Variants in CDH18 observed in about 807,000 individuals in gnomAD.
CDH18 encodes the protein cadherin-18.
CDH18 carries 31 observed loss-of-function variants against 67.9 expected under a neutral mutation model. That is an observed-to-expected ratio of 0.46 (90% confidence interval 0.34 to 0.62). The LOEUF (loss-of-function observed/expected upper bound fraction) is 0.62. Ranked by LOEUF, CDH18 falls within the 20% of genes least tolerant of loss-of-function variation. The probability of loss-of-function intolerance (pLI) is 0.01; values close to 1 mark genes in which losing one functional copy is unlikely to be tolerated. For missense variants in CDH18, 890 were observed against 975.5 expected (o/e 0.91, Z 1.17); for synonymous variants, 362 against 347.2 (o/e 1.04, Z -0.48).
At chr5:19,628,655 C>T (rs62351282) in intron 5 of CDH18, among the ~76,000 whole-genome samples, 3 of 151,820 alleles carry the variant, frequency 2.0e-5, no homozygotes, top group African/African-American at 7.3e-5. Context: ...GGTTGGAAAT[C>T]AGGAGTTCAA....
At chr5:20,350,509 G>C (rs1461650999) in intron 1 of CDH18, among the ~76,000 whole-genome samples, 1 of 151,966 alleles carries the variant, frequency 6.6e-6, no homozygotes, top group African/African-American at 2.4e-5. Context: ...ACTTCATAAA[G>C]GTAATTACTT....
chr5:20,156,233 A>G (rs555717715), intron 2 of CDH18, among the ~76,000 whole-genome samples: 10 of 152,266 alleles, frequency 6.6e-5, no homozygotes, highest in Non-Finnish European at 8.8e-5. Flanking sequence ...TGTACTGGGT[A>G]TATATAAAAA....
chr5:20,226,075 T>C lies in CDH18; in HGVS notation c.-518+29369A>G, dbSNP rs115709032. On this transcript the variant is annotated intron_variant, in intron 2 of 14. Coordinates refer to the CDH18 transcript ENST00000507958. ...TATTCTAACGCATATGTTAGACACC[T>C]GGTATCAACAAGAATTTGAGTCGGA... Among the ~76,000 whole-genome samples, 157 of 152,192 alleles carry C rather than the reference T, an allele frequency of 1.0e-3. 1 individual carries two copies. Among genetic ancestry groups the C allele is most frequent in the African/African-American group, 3.6e-3 (151 of 41,558 alleles).
intron 10 of CDH18, among the ~76,000 whole-genome samples, chr5:19,513,563 T>C (rs895561598): frequency 5.9e-5 from 9 of 152,140 alleles, no homozygotes; most frequent in Non-Finnish European, 1.3e-4. Context: ...TTCCATGTCA[T>C]TAAATTCATC....
chr5:20,260,458 G>C (rs1213541468), intron 1 of CDH18, among the ~76,000 whole-genome samples: 1 of 151,970 alleles, frequency 6.6e-6, no homozygotes, highest in East Asian at 2.0e-4. Context: ...AAGTTATACT[G>C]ACTTGATGAT....
intron 4 of CDH18, among the ~76,000 whole-genome samples, chr5:19,730,031 T>C (rs911061725): frequency 6.6e-6 from 1 of 152,116 alleles, no homozygotes; most frequent in Non-Finnish European, 1.5e-5. Context: ...TCCCACCTTC[T>C]TTCTGCTTTG....
At chr5:19,572,576 G>A (rs1020511991) in intron 7 of CDH18, among the ~76,000 whole-genome samples, 6 of 152,158 alleles carry the variant, frequency 3.9e-5, no homozygotes, top group African/African-American at 1.4e-4. Flanking sequence ...TCCTTTCAGA[G>A]CTGGTGTCTG....
At chr5:19,490,981 C>T (rs1234351234) in intron 11 of CDH18, among the ~76,000 whole-genome samples, 6 of 152,054 alleles carry the variant, frequency 3.9e-5, no homozygotes, top group Admixed American at 3.9e-4. Context: ...AGCAATAGAG[C>T]CACTAAAATG....
intron 2 of CDH18, among the ~76,000 whole-genome samples, chr5:20,007,672 A>AGTGTGTGTGTGTGT (rs145213048): frequency 1.1e-4 from 15 of 140,240 alleles, no homozygotes; most frequent in South Asian, 4.9e-4. Flanking sequence ...GTGTGTGGAA[A>AGTGTGTGTGTGTGT]GTGTGTGTGT....
chr5:19,573,557 C>A (rs769046813), intron 7 of CDH18, among the ~76,000 whole-genome samples: 1 of 152,070 alleles, frequency 6.6e-6, no homozygotes, highest in African/African-American at 2.4e-5. Context: ...GGATTGCAGG[C>A]GTAAGCCACC....
At chr5:19,906,199 G>A (rs1790513671) in intron 2 of CDH18, among the ~76,000 whole-genome samples, 2 of 151,962 alleles carry the variant, frequency 1.3e-5, no homozygotes, top group East Asian at 3.9e-4. Flanking sequence ...TGATAGCAGG[G>A]ATTTCATAGG....
Position 19,875,395 on chromosome 5 carries a change from T to TATAGATAGATAG in CDH18, c.-256-36165_-256-36154dup, listed in dbSNP as rs56837232. ...AATATTCTTCTATTTCTTCCATGGG[T>TATAGATAGATAG]ATAGATAGATAGATAGATAGATAGA... On this transcript the variant is annotated intron_variant, in intron 2 of 12. Coordinates refer to ENST00000382275, the MANE Select transcript of CDH18 (RefSeq NM_004934.5). 5.2e-3 allele frequency among the ~76,000 whole-genome samples: 769 copies of TATAGATAGATAG among 147,724 alleles called. 3 individuals are homozygous for TATAGATAGATAG. The highest frequency in any genetic ancestry group is 7.4e-3 in the Middle Eastern group (2 of 272).
intron 2 of CDH18, among the ~76,000 whole-genome samples, chr5:20,094,989 G>C (rs867781348): frequency 1.3e-5 from 2 of 152,028 alleles, no homozygotes; most frequent in Non-Finnish European, 2.9e-5. Context: ...AAAAGAATGA[G>C]TTCATATCCT....
At chr5:20,361,856 A>G (rs1342538149) in intron 1 of CDH18, among the ~76,000 whole-genome samples, 1 of 152,158 alleles carries the variant, frequency 6.6e-6, no homozygotes, top group Non-Finnish European at 1.5e-5. Flanking sequence ...AAAATTTTAA[A>G]TATGTTTCAT....
At chr5:20,183,081 C>T (rs1737823835) in intron 2 of CDH18, among the ~76,000 whole-genome samples, 1 of 152,034 alleles carries the variant, frequency 6.6e-6, no homozygotes, top group Non-Finnish European at 1.5e-5. Flanking sequence ...GCATCTACTT[C>T]ATTATAATGG....
chr5:19,948,010 A>C (rs1265618715), intron 2 of CDH18, among the ~76,000 whole-genome samples: 7 of 152,210 alleles, frequency 4.6e-5, no homozygotes, highest in Non-Finnish European at 1.0e-4. Flanking sequence ...ATATACAGTG[A>C]GTACGTAAGC....
chr5:19,873,129 C>T (rs888792349), intron 2 of CDH18, among the ~76,000 whole-genome samples: 1 of 151,282 alleles, frequency 6.6e-6, no homozygotes, highest in African/African-American at 2.4e-5. Context: ...TACCATGGTA[C>T]CTTGTGGGAA....
chr5:19,644,377 C>A (rs12659742), intron 5 of CDH18, among the ~76,000 whole-genome samples: 1 of 150,366 alleles, frequency 6.7e-6, no homozygotes, highest in Non-Finnish European at 1.5e-5. Context: ...GATTTCACCC[C>A]GCCAAAAAAA....
At chr5:20,202,177 A>T (rs1739500888) in intron 2 of CDH18, among the ~76,000 whole-genome samples, 2 of 152,172 alleles carry the variant, frequency 1.3e-5, no homozygotes, top group African/African-American at 4.8e-5. Flanking sequence ...ACCACAGTGA[A>T]TTTGTAAAGT....
Sources: allele counts gnomAD v4.1 joint callset (sites outside exome capture counted in the v4.1 genomes callset), GRCh38; gene constraint gnomAD v4.1.1; transcripts MANE v1.5; gene names NCBI Gene and HGNC (gene_info 2026-07-23, HGNC 2026-07-21).